NAV1: variants seen among roughly 807,000 people sequenced by gnomAD.
NAV1 encodes the protein pore membrane and/or filament interacting like protein 3.
Under a neutral mutation model 175.2 loss-of-function variants are expected in NAV1, and 18 were observed. That is an observed-to-expected ratio of 0.10 (90% CI 0.07 to 0.15). The LOEUF (loss-of-function observed/expected upper bound fraction) is 0.15, where lower values mean the gene tolerates loss of function less well. Among genes scored for constraint, NAV1 ranks in the 10% least tolerant of loss-of-function variants. The pLI is 1.00. For synonymous variants in NAV1, 897 were observed against 978.7 expected (o/e 0.92, Z 1.56); for missense variants, 1,731 against 2,436.6 (o/e 0.71, Z 6.10).
intron 1 of NAV1, among the ~76,000 whole-genome samples, chr1:201,549,434 C>T (rs1322913362): frequency 6.6e-6 from 1 of 152,092 alleles, no homozygotes; most frequent in Non-Finnish European, 1.5e-5. Flanking sequence ...GTCTCAAACT[C>T]TTAGGTTCAA....
At chr1:201,633,994 G>T (rs114276619) in intron 2 of NAV1, among the ~76,000 whole-genome samples, 73 of 152,274 alleles carry the variant, frequency 4.8e-4, no homozygotes, top group Non-Finnish European at 4.7e-4. Flanking sequence ...GACACTTACC[G>T]TGGCTTACTG....
intron 1 of NAV1, among the ~76,000 whole-genome samples, chr1:201,678,183 TAAATG>T (rs895663283): frequency 2.0e-5 from 3 of 152,072 alleles, no homozygotes; most frequent in Non-Finnish European, 4.4e-5. Context: ...CCCCAAAAGG[TAAATG>T]AGGGAGCTAC....
intron 1 of NAV1, among the ~76,000 whole-genome samples, chr1:201,679,229 A>T (rs1670375262): frequency 6.6e-6 from 1 of 152,134 alleles, no homozygotes; most frequent in Admixed American, 6.5e-5. Flanking sequence ...TTTACAACTC[A>T]TCTCCCAAAG....
At chr1:201,637,936 A>C (rs1007211456) in intron 2 of NAV1, among the ~76,000 whole-genome samples, 1 of 152,222 alleles carries the variant, frequency 6.6e-6, no homozygotes, top group African/African-American at 2.4e-5. Flanking sequence ...ACATACAGGA[A>C]AAGCACATGT....
chr1:201,738,102 C>G (rs752181247), intron 3 of NAV1, among the ~76,000 whole-genome samples: 1 of 151,912 alleles, frequency 6.6e-6, no homozygotes. Flanking sequence ...GAGAGAGAAC[C>G]GTCTGCCTTG....
intron 3 of NAV1, among the ~76,000 whole-genome samples, chr1:201,747,753 C>G (rs945850902): frequency 1.3e-5 from 2 of 152,212 alleles, no homozygotes; most frequent in African/African-American, 4.8e-5. Flanking sequence ...CTTCCCATTT[C>G]CTATATTATA....
exon 23 of NAV1, chr1:201,809,948 C>T (rs1324887022): frequency 6.2e-7 from 1 of 1,611,908 alleles, no homozygotes; most frequent in East Asian, 2.2e-5. Flanking sequence ...TCTGTCAGGA[C>T]TATATTTCTA....
intron 2 of NAV1, among the ~76,000 whole-genome samples, chr1:201,607,950 C>T (rs372466612): frequency 1.5e-5 from 2 of 134,756 alleles, no homozygotes; most frequent in East Asian, 4.6e-4. Flanking sequence ...AACCCAAAAC[C>T]TACAAATGCT....
At chr1:201,722,937 C>T (rs2102496140) in intron 3 of NAV1, among the ~76,000 whole-genome samples, 1 of 152,298 alleles carries the variant, frequency 6.6e-6, no homozygotes, top group African/African-American at 2.4e-5. Context: ...TGGGGTGAAA[C>T]CCCATCTCTA....
Position 201,694,667 on chromosome 1 carries a change from C to T in NAV1, c.758-18150C>T, listed in dbSNP as rs916626201. On this transcript the variant is annotated intron_variant, in intron 1 of 29. Transcript: ENST00000367296. This position sits in a 1 kb window ranked among gnomAD's most constrained non-coding sequence, Gnocchi z 4.2. ...GAAGTGAACCGGGAGCCGTAAATAGCCAGGAGCCTGTGTTCTCTGGGCTCT... is the reference window on the plus strand; with the variant it reads ...GAAGTGAACCGGGAGCCGTAAATAGTCAGGAGCCTGTGTTCTCTGGGCTCT... Among the ~76,000 whole-genome samples, 4 of 152,172 alleles carry T rather than the reference C, an allele frequency of 2.6e-5. No homozygotes were observed. The highest frequency in any genetic ancestry group is 2.6e-4 in the Admixed American group (4 of 15,286).
chr1:201,651,294 A>T (rs1669197433), intron 1 of NAV1, among the ~76,000 whole-genome samples: 1 of 151,946 alleles, frequency 6.6e-6, no homozygotes, highest in Non-Finnish European at 1.5e-5. Context: ...TCCTCTCCAG[A>T]CCTGGATGCC....
intron 2 of NAV1, among the ~76,000 whole-genome samples, chr1:201,602,373 GT>G (rs1297357941): frequency 1.3e-5 from 2 of 151,948 alleles, no homozygotes; most frequent in East Asian, 1.9e-4. Flanking sequence ...ATGGAGTCTC[GT>G]TCTGTCACCC....
At chr1:201,590,225 G>C (rs560662622) in intron 2 of NAV1, among the ~76,000 whole-genome samples, 1 of 152,308 alleles carries the variant, frequency 6.6e-6, no homozygotes, top group South Asian at 2.1e-4. Context: ...CACAGAAGCA[G>C]AAAGTGAGGT....
chr1:201,787,689 T>C lies in NAV1; in HGVS notation c.2996-779T>C, dbSNP rs538399906. On this transcript the variant is annotated intron_variant, in intron 9 of 29. Coordinates refer to ENST00000367296, the Ensembl canonical transcript of NAV1. This position sits in a 1 kb window ranked among gnomAD's most constrained non-coding sequence, Gnocchi z 4.3. The stretch of plus-strand genomic sequence containing the variant: ...CAGATTAGACATCCACCTGCCTGTA[T>C]GGAGGCAGAAGAATAGACAAGGGAG... 3 of 456,238 alleles carry C rather than the reference T, an allele frequency of 6.6e-6. No homozygotes were observed. Among genetic ancestry groups the C allele is most frequent in the South Asian group, 4.6e-5 (3 of 64,562 alleles). 28.3% of individuals were successfully genotyped at this position (456,238 alleles called of 1,614,324 possible). A position where few individuals can be genotyped will look rare whatever the true frequency, so the allele number is the denominator to read the frequency against.
In NAV1 at chr1:201,750,680, T is replaced by C. The variant is rs1410495755; in HGVS notation, c.1227-29741T>C. On this transcript the variant is annotated intron_variant, in intron 3 of 29. Coordinates refer to ENST00000367296, the Ensembl canonical transcript of NAV1. This position sits in a 1 kb window ranked among gnomAD's most constrained non-coding sequence, Gnocchi z 4.1. The stretch of plus-strand genomic sequence containing the variant: ...TTCAACTCTTTGGAGTAATAATTGA[T>C]GAAATTTATATTTACTCACACCTAC... 6.6e-6 allele frequency among the ~76,000 whole-genome samples: 1 copy of C among 152,130 alleles called. No individual in the cohort carries two copies. Among genetic ancestry groups the C allele is most frequent in the Non-Finnish European group, 1.5e-5 (1 of 68,018 alleles).
chr1:201,571,259 T>C (rs1196020279), intron 1 of NAV1, among the ~76,000 whole-genome samples: 2 of 152,220 alleles, frequency 1.3e-5, no homozygotes, highest in Admixed American at 1.3e-4. Flanking sequence ...GGGGAGGTAG[T>C]GCTGGGAGTT....
intron 2 of NAV1, among the ~76,000 whole-genome samples, chr1:201,635,841 T>C (rs529186099): frequency 3.3e-5 from 5 of 152,316 alleles, no homozygotes; most frequent in African/African-American, 1.2e-4. Context: ...CATGTGTCTA[T>C]GAGCCATGGA....
In NAV1 at chr1:201,790,467, A is replaced by G. The variant is rs201771748; in HGVS notation, c.3220-87A>G. On this transcript the variant is annotated intron_variant, in intron 11 of 29. Coordinates refer to ENST00000367296, the Ensembl canonical transcript of NAV1. ...TGAGTCATGCTTCTTCACATTTCCT[A>G]CCCTGCCACTGGGACCTGACTTCTT... 10 of 1,466,868 alleles carry G rather than the reference A, an allele frequency of 6.8e-6. No individual in the cohort carries two copies. In the South Asian group the frequency reaches 8.0e-5, roughly 12 times the overall value. The allele number at this position is 1,466,868 out of a possible 1,614,324, so 90.9% of individuals were successfully genotyped here.
intron 1 of NAV1, among the ~76,000 whole-genome samples, chr1:201,576,912 A>G (rs1167412360): frequency 6.6e-6 from 1 of 152,144 alleles, no homozygotes. Context: ...TCACGTGCTT[A>G]TTTAGACATC....
Sources: allele counts gnomAD v4.1 joint callset (sites outside exome capture counted in the v4.1 genomes callset), GRCh38; gene constraint gnomAD v4.1.1; non-coding constraint Gnocchi (gnomAD v3.1); transcripts MANE v1.5; gene names NCBI Gene and HGNC (gene_info 2026-07-23, HGNC 2026-07-21).